Variants in DDR1 observed in about 807,000 individuals in gnomAD.
The protein encoded by DDR1 is discoidin domain receptor tyrosine kinase 1.
In DDR1, 64 loss-of-function variants were observed where a neutral mutation model predicts 97.4. That is an observed-to-expected ratio of 0.66 (90% confidence interval 0.54 to 0.81). The LOEUF (loss-of-function observed/expected upper bound fraction) is 0.81. DDR1 is among the 30% of genes least tolerant of loss of function. The pLI, the probability that DDR1 is intolerant of heterozygous loss-of-function variation, is 0.00. For missense variants in DDR1, 990 were observed against 1,259.6 expected (o/e 0.79, Z 3.24); for synonymous variants, 458 against 503.7 (o/e 0.91, Z 1.21).
chr6:30,885,154 C>A, intron 1 of DDR1: 3 of 1,505,628 alleles, frequency 2.0e-6, no homozygotes, highest in Non-Finnish European at 2.7e-6. Flanking sequence ...AGAGGGACTG[C>A]CACTCTAACC....
In DDR1 at chr6:30,897,839, C is replaced by T. The variant is rs1036195791; in HGVS notation, c.2217-234C>T. 1.3e-5 allele frequency among the ~76,000 whole-genome samples: 2 copies of T among 152,210 alleles called. No homozygotes were observed. Among genetic ancestry groups the T allele is most frequent in the African/African-American group, 4.8e-5 (2 of 41,446 alleles). ...CCTGCCATGACGTCCCTTCTGCTTT[C>T]TCTCACCCTCACTCCCCTCTGAGTC... On this transcript the variant is annotated intron_variant, in intron 15 of 17. Transcript: ENST00000376568. This position sits in a 1 kb window ranked among gnomAD's most constrained non-coding sequence, Gnocchi z 5.2.
In DDR1 at chr6:30,886,412, G is replaced by C. The variant is rs1412287682; in HGVS notation, c.-43+1702G>C. ...CGCTGGACCCTAAGGGACCAGGCGT[G>C]ATGCCTTCTGGTTCTAGCCTCTGAG... On this transcript the variant is annotated intron_variant, in intron 1 of 17. Transcript: ENST00000376568. This position sits in a 1 kb window ranked among gnomAD's most constrained non-coding sequence, Gnocchi z 4.6. Among the ~76,000 whole-genome samples the C allele has an allele frequency of 6.6e-6, 1 of 152,150 alleles. No individual in the cohort carries two copies. Among genetic ancestry groups the C allele is most frequent in the African/African-American group, 2.4e-5 (1 of 41,434 alleles).
Position 30,899,171 on chromosome 6 carries a change from C to T in DDR1, c.2617C>T (p.Pro873Ser), listed in dbSNP as rs904067195. ...CACAATGCAGGTGTACCTGTCCCGG[C>T]CGCCTGCCTGCCCGCAGGGCCTATA... ...DQGRQVYLSR[P>S]PACPQGLYEL... Residue 873 changes from proline (P) to serine (S), a missense_variant, in exon 18 of 18, where the codon CCG becomes TCG. Coordinates refer to ENST00000376568, the MANE Select transcript of DDR1 (RefSeq NM_001297654.2). 2 of 1,614,232 alleles carry T rather than the reference C, an allele frequency of 1.2e-6. No homozygotes were observed. The highest frequency in any genetic ancestry group is 1.3e-5 in the African/African-American group (1 of 75,054).
Position 30,894,679 on chromosome 6 carries a change from C to T in DDR1, c.1513+8C>T, listed in dbSNP as rs2150394271. The T allele has an allele frequency of 1.9e-6, 3 of 1,583,344 alleles. No homozygotes were observed. Among genetic ancestry groups the T allele is most frequent in the Non-Finnish European group, 2.6e-6 (3 of 1,162,870 alleles). ...GTGTCCCCAATGGCTCTGGTAAGAC[C>T]TGCCTTGTTCCAGTCGCACCTCTGT... On this transcript the variant is annotated splice_region_variant and intron_variant, in intron 11 of 17. Coordinates refer to ENST00000376568, the MANE Select transcript of DDR1 (RefSeq NM_001297654.2). This position sits in a 1 kb window ranked among gnomAD's most constrained non-coding sequence, Gnocchi z 5.7.
chr6:30,896,724 C>A lies in DDR1; in HGVS notation c.1728C>A (p.Thr576=). 6.2e-7 allele frequency: 1 copy of A among 1,602,206 alleles called. No homozygotes were observed. Among genetic ancestry groups the A allele is most frequent in the Non-Finnish European group, 8.5e-7 (1 of 1,173,870 alleles). ...VPHYAEADIV[T]LQGVTGGNTY... ...ATTATGCCGAGGCTGACATTGTTAC[C>A]CTGCAGGGCGTCACCGGGGGCAACA... is the stretch of plus-strand genomic sequence containing the variant. Residue 576 remains threonine, a synonymous_variant, in exon 13 of 18, where the codon ACC becomes ACA. Transcript: ENST00000376568.
At chr6:30,896,926 A>C in intron 13 of DDR1, 61 bp downstream of exon 13, 1 of 1,564,596 alleles carries the variant, frequency 6.4e-7, no homozygotes. Flanking sequence ...ATGCCTGCGC[A>C]TCCCCCTAGC....
chr6:30,892,060 A>C lies in DDR1; in HGVS notation c.724A>C (p.Arg242=). The C allele has an allele frequency of 6.2e-7, 1 of 1,614,106 alleles. No individual in the cohort carries two copies. The highest frequency in any genetic ancestry group is 1.1e-5 in the South Asian group (1 of 91,084). Residue 242 remains arginine, a synonymous_variant, in exon 7 of 18, where the codon AGG becomes CGG. Coordinates refer to ENST00000376568, the MANE Select transcript of DDR1 (RefSeq NM_001297654.2). The part of the protein sequence containing the change: ...ADGVVGLDDF[R]KSQELRVWPG... ...TGGTGTGGTGGGGCTGGATGACTTT[A>C]GGAAGAGTCAGGAGCTGCGGGTCTG...
intron 8 of DDR1, 134 bp downstream of exon 8, chr6:30,892,676 G>C: frequency 7.9e-7 from 1 of 1,258,468 alleles, no homozygotes. Flanking sequence ...CTCAATTAGG[G>C]GTGCCCCAAA....
Position 30,891,880 on chromosome 6 carries a change from G to C in DDR1, c.666-122G>C. 2.9e-6 allele frequency: 3 copies of C among 1,042,172 alleles called. No homozygotes were observed. The highest frequency in any genetic ancestry group is 4.4e-6 in the Non-Finnish European group (3 of 684,032). 64.6% of individuals were successfully genotyped at this position (1,042,172 alleles called of 1,614,324 possible). On this transcript the variant is annotated intron_variant, in intron 6 of 17. Transcript: ENST00000376568. This position sits in a 1 kb window ranked among gnomAD's most constrained non-coding sequence, Gnocchi z 5.3. ...ATGAGTGTGAGGTGGGATGGGAATGGGACTAGTGGATGGGAGCCAGGCTGG... is the reference window on the plus strand; with the variant it reads ...ATGAGTGTGAGGTGGGATGGGAATGCGACTAGTGGATGGGAGCCAGGCTGG...
At position 30,888,610 on chromosome 6, in the gene DDR1, G is replaced by A. The variant is rs1432408886; in HGVS notation, c.-42-78G>A. 5.4e-6 allele frequency: 8 copies of A among 1,468,516 alleles called. No individual in the cohort carries two copies. The highest frequency in any genetic ancestry group is 2.5e-5 in the South Asian group (2 of 79,928). 91.0% of individuals were successfully genotyped at this position (1,468,516 alleles called of 1,614,324 possible). ...GTTTTACTGTTATTATCCCCAAAGC[G>A]GCCCATTCTGTCTGTTGCTGTCAGC... is the stretch of plus-strand genomic sequence containing the variant. On this transcript the variant is annotated intron_variant, in intron 1 of 17. Coordinates refer to ENST00000376568, the MANE Select transcript of DDR1 (RefSeq NM_001297654.2). The surrounding 1 kb of genome is among the most constrained non-coding windows in gnomAD (Gnocchi z 4.2).
At chr6:30,882,995 G>A (rs1326334784), upstream of DDR1, 1 of 152,484 alleles carries the variant, frequency 6.6e-6, no homozygotes, top group Non-Finnish European at 1.5e-5. This position sits in a 1 kb window ranked among gnomAD's most constrained non-coding sequence, Gnocchi z 4.8. Context: ...TAGGTGTTCT[G>A]GGGGAATGAA....
At chr6:30,892,213 G>A (rs774352622) in intron 7 of DDR1, 25 bp downstream of exon 7, 1 of 1,613,014 alleles carries the variant, frequency 6.2e-7, no homozygotes, top group East Asian at 2.2e-5. Context: ...CTCTCGAGGA[G>A]GGCTCTGAAG....
chr6:30,898,855 C>T, intron 16 of DDR1, 33 bp from the exon 17 acceptor site: 1 of 1,590,160 alleles, frequency 6.3e-7, no homozygotes, highest in Middle Eastern at 1.7e-4. Flanking sequence ...CCTGATGTCC[C>T]TGTCTGTTTT....
In DDR1 at chr6:30,891,859, G is replaced by T. The variant is rs1788508623; in HGVS notation, c.666-143G>T. 6.8e-6 allele frequency: 6 copies of T among 877,564 alleles called. No homozygotes were observed. The Admixed American group carries it at 1.2e-4, about 17-fold the overall frequency. 54.4% of individuals were successfully genotyped at this position (877,564 alleles called of 1,614,324 possible). On this transcript the variant is annotated intron_variant, in intron 6 of 17. Coordinates refer to ENST00000376568, the MANE Select transcript of DDR1 (RefSeq NM_001297654.2). This position sits in a 1 kb window ranked among gnomAD's most constrained non-coding sequence, Gnocchi z 5.3. ...GAGAGGAGAAGGGCCAGCTGCATGA[G>T]TGTGAGGTGGGATGGGAATGGGACT... is the stretch of plus-strand genomic sequence containing the variant.
In DDR1 at chr6:30,889,814, C is replaced by T. The variant is rs564192176; in HGVS notation, c.417+384C>T. Among the ~76,000 whole-genome samples, 5 of 152,158 alleles carry T rather than the reference C, an allele frequency of 3.3e-5. No individual in the cohort carries two copies. The highest frequency in any genetic ancestry group is 7.4e-5 in the Non-Finnish European group (5 of 68,014). On this transcript the variant is annotated intron_variant, in intron 4 of 17. Coordinates refer to ENST00000376568, the MANE Select transcript of DDR1 (RefSeq NM_001297654.2). The surrounding 1 kb of genome is among the most constrained non-coding windows in gnomAD (Gnocchi z 4.9). The stretch of plus-strand genomic sequence containing the variant: ...TTTGATTCCCATTCCCAGCCTAAAC[C>T]TGCTCCTCCCCTGGCATTCTCCAGC...
At position 30,890,717 on chromosome 6, in the gene DDR1, G is replaced by A; in HGVS notation, c.418-256G>A. On this transcript the variant is annotated intron_variant, in intron 4 of 17. Transcript: ENST00000376568. The surrounding 1 kb of genome is among the most constrained non-coding windows in gnomAD (Gnocchi z 5.0). ...ATAGGCTTGGAGACAAATGGATGGA[G>A]CCAGGCAAGGAGAAGAGGGCAGCTG... 2.2e-6 allele frequency: 1 copy of A among 457,244 alleles called. No homozygotes were observed. The allele number at this position is 457,244 out of a possible 1,614,324, so 28.3% of individuals were successfully genotyped here. A position where few individuals can be genotyped will look rare whatever the true frequency, so the allele number is the denominator to read the frequency against.
chr6:30,895,613 G>A (rs1425863901), intron 12 of DDR1, 99 bp downstream of exon 12: 16 of 714,986 alleles, frequency 2.2e-5, no homozygotes, highest in Non-Finnish European at 3.4e-5. Flanking sequence ...CCCCACTGTG[G>A]CCTATTCTGC....
Position 30,889,247 on chromosome 6 carries a change from G to T in DDR1, c.234G>T (p.Ser78=), listed in dbSNP as rs759342778. ...DGDGAWCPAG[S]VFPKEEEYLQ... ...ATGGGGCCTGGTGCCCCGCAGGGTC[G>T]GTGTTTCCCAAGGAGGAGGAGTACT... Residue 78 remains serine, a synonymous_variant, in exon 4 of 18, where the codon TCG becomes TCT. Transcript: ENST00000376568. The surrounding 1 kb of genome is among the most constrained non-coding windows in gnomAD (Gnocchi z 4.9). 11 of 1,613,078 alleles carry T rather than the reference G, an allele frequency of 6.8e-6. No homozygotes were observed. The highest frequency in any genetic ancestry group is 9.3e-6 in the Non-Finnish European group (11 of 1,180,030).
chr6:30,885,356 T>A, intron 1 of DDR1: 1 of 1,216,818 alleles, frequency 8.2e-7, no homozygotes, highest in Non-Finnish European at 1.2e-6. Context: ...GGCCTGTAGG[T>A]GTGTCCAGGA....
Sources: gnomAD v4.1 joint callset for allele counts (sites outside exome capture counted in the v4.1 genomes callset) on GRCh38, gnomAD v4.1.1 for gene constraint, Gnocchi (gnomAD v3.1) non-coding constraint, MANE v1.5 for transcripts, NCBI Gene and HGNC (gene_info 2026-07-23, HGNC 2026-07-21) for gene names.